The following SERPINB5 variants were observed in gnomAD, a reference collection of about 807,000 sequenced individuals.
SERPINB5 encodes serpin B5.
Under a neutral mutation model 32.2 loss-of-function variants are expected in SERPINB5, and 27 were observed. The observed-to-expected ratio is 0.84, with a 90% CI of 0.62 to 1.16. The LOEUF is 1.16. Among genes scored for constraint, SERPINB5 ranks in the 50% most tolerant of loss-of-function variants. SERPINB5 has a pLI of 0.00. For missense variants in SERPINB5, 388 were observed against 436.3 expected, an observed-to-expected ratio of 0.89 and a Z score of 0.99; for synonymous variants, 154 against 157.4, an observed-to-expected ratio of 0.98 and a Z score of 0.16.
At chr18:63,477,824 C>G (rs915224011) in intron 1 of SERPINB5, among the ~76,000 whole-genome samples, 1 of 152,170 alleles carries the variant, frequency 6.6e-6, no homozygotes, top group Non-Finnish European at 1.5e-5. Flanking sequence ...ATCCTCAGAG[C>G]TGGGGGCTCT....
At chr18:63,489,570 G>A (rs1015108440) in intron 4 of SERPINB5, 106 bp downstream of exon 4, 8 of 696,880 alleles carry the variant, frequency 1.1e-5, no homozygotes, top group Non-Finnish European at 2.0e-5. Flanking sequence ...GGATTCTCTG[G>A]ATATTTTTAC....
chr18:63,486,978 C>A lies in SERPINB5; in HGVS notation c.201C>A (p.Pro67=). ...ATTTTGAAAATGTCAAAGATGTACC[C>A]TTTGGATTTCAAACAGTAACATCGG... is the stretch of plus-strand genomic sequence containing the variant. ...VLHFENVKDV[P]FGFQTVTSDV... Residue 67 remains proline (P), a synonymous_variant, in exon 3 of 7, where the codon CCC becomes CCA. Transcript: ENST00000382771. The A allele has an allele frequency of 6.2e-7, 1 of 1,614,096 alleles. No homozygotes were observed. The highest frequency in any genetic ancestry group is 8.5e-7 in the Non-Finnish European group (1 of 1,179,984).
At chr18:63,481,223 A>C (rs1917122049) in intron 1 of SERPINB5, among the ~76,000 whole-genome samples, 1 of 152,204 alleles carries the variant, frequency 6.6e-6, no homozygotes, top group South Asian at 2.1e-4. Flanking sequence ...ATGTATCTCA[A>C]AATGTTGTGA....
intron 3 of SERPINB5, among the ~76,000 whole-genome samples, chr18:63,487,674 A>G (rs986495746): frequency 2.0e-5 from 3 of 152,240 alleles, no homozygotes; most frequent in Admixed American, 1.3e-4. Flanking sequence ...GCTCTAAGGA[A>G]TCATACAAAC....
chr18:63,503,282 A>C, intron 6 of SERPINB5, 48 bp from the exon 7 acceptor site: 1 of 1,541,028 alleles, frequency 6.5e-7, no homozygotes, highest in African/African-American at 1.4e-5. Context: ...CAGGTCTTTT[A>C]CAGTTGGAAA....
intron 6 of SERPINB5, among the ~76,000 whole-genome samples, chr18:63,502,998 C>T (rs930715980): frequency 1.3e-4 from 19 of 151,646 alleles, no homozygotes; most frequent in Admixed American, 2.6e-4. Context: ...CACTCCAGCC[C>T]GGGTGACAGA....
In SERPINB5 at chr18:63,498,823, G is replaced by A. The variant is rs1328549650; in HGVS notation, c.568-297G>A. Among the ~76,000 whole-genome samples, 1 of 148,036 alleles carries A rather than the reference G, an allele frequency of 6.8e-6. No individual in the cohort carries two copies. The highest frequency in any genetic ancestry group is 2.5e-5 in the African/African-American group (1 of 40,458). ...TATATATGTGCATGTGTGTATATAT[G>A]TATGGGGTATATATATATAGTATGT... On this transcript the variant is annotated intron_variant, in intron 5 of 6. Transcript: ENST00000382771. This position sits in a 1 kb window ranked among gnomAD's most constrained non-coding sequence, Gnocchi z 4.2.
chr18:63,488,720 G>T (rs1282316057), intron 3 of SERPINB5, among the ~76,000 whole-genome samples: 1 of 152,158 alleles, frequency 6.6e-6, no homozygotes, highest in East Asian at 1.9e-4. Context: ...ATGGGGTTTA[G>T]GGTTGCACAT....
intron 5 of SERPINB5, among the ~76,000 whole-genome samples, chr18:63,496,252 C>T (rs1356258938): frequency 1.3e-5 from 2 of 152,212 alleles, no homozygotes; most frequent in East Asian, 1.9e-4. Flanking sequence ...AGCAGTCTAA[C>T]CTGTTGGAGA....
chr18:63,492,688 C>G (rs1169980392), intron 4 of SERPINB5, among the ~76,000 whole-genome samples: 4 of 152,226 alleles, frequency 2.6e-5, no homozygotes, highest in Non-Finnish European at 5.9e-5. Context: ...AATAGGCATT[C>G]AGAATGGTAG....
chr18:63,502,738 G>A (rs1909594968), intron 6 of SERPINB5, among the ~76,000 whole-genome samples: 1 of 152,048 alleles, frequency 6.6e-6, no homozygotes, highest in Admixed American at 6.6e-5. Context: ...CTAACTTAAG[G>A]TTGGGTGCGG....
chr18:63,487,234 G>T (rs771776911), intron 3 of SERPINB5, 151 bp downstream of exon 3: 4 of 748,076 alleles, frequency 5.3e-6, no homozygotes, highest in Admixed American at 5.9e-5. Flanking sequence ...CTAGTGGAGA[G>T]GTTGAGTATA....
rs151033968 is a variant in SERPINB5, at chr18:63,496,795, C to T, written c.568-2325C>T. 3.9e-4 allele frequency among the ~76,000 whole-genome samples: 60 copies of T among 152,246 alleles called. No homozygotes were observed. The East Asian group carries it at 8.5e-3, about 22-fold the overall frequency. On this transcript the variant is annotated intron_variant, in intron 5 of 6. Coordinates refer to ENST00000382771, the MANE Select transcript of SERPINB5 (RefSeq NM_002639.5). ...TTACTGTCAGTCTTTTACAACTTAGCGTGAATTAATTTTCCTTCAGGAAAT... is the reference window on the plus strand; with the variant it reads ...TTACTGTCAGTCTTTTACAACTTAGTGTGAATTAATTTTCCTTCAGGAAAT...
chr18:63,504,364 A>C lies in SERPINB5; in HGVS notation c.*642A>C, dbSNP rs894. ...ATCTGGGGCAGCACCCTATAAATCAACACCTTAATATGCTGCAACAAAATG... is the reference window on the plus strand; with the variant it reads ...ATCTGGGGCAGCACCCTATAAATCACCACCTTAATATGCTGCAACAAAATG... On this transcript the variant is annotated 3_prime_UTR_variant, in exon 7 of 7. Transcript: ENST00000382771. The C allele has an allele frequency of 0.48, 73,395 of 152,120 alleles. 19,286 individuals carry two copies. Among genetic ancestry groups the C allele is most frequent in the Non-Finnish European group, 0.59 (40,452 of 68,006 alleles). 9.4% of individuals were successfully genotyped at this position (152,120 alleles called of 1,614,324 possible). A position where few individuals can be genotyped will look rare whatever the true frequency, so the allele number is the denominator to read the frequency against.
At position 63,500,075 on chromosome 18, in the gene SERPINB5, A is replaced by G. The variant is rs534403950; in HGVS notation, c.735+788A>G. ...ATTGCCCAGGCTGGAGTGCAGTGGC[A>G]TGATGGTAGCTCACTCTAACCTCAA... On this transcript the variant is annotated intron_variant, in intron 6 of 6. Transcript: ENST00000382771. Among the ~76,000 whole-genome samples, 31 of 151,958 alleles carry G rather than the reference A, an allele frequency of 2.0e-4. No individual in the cohort carries two copies. In the Middle Eastern group the frequency reaches 0.01, roughly 50 times the overall value.
chr18:63,493,106 C>A lies in SERPINB5; in HGVS notation c.567+11C>A. 6.2e-7 allele frequency: 1 copy of A among 1,614,060 alleles called. No homozygotes were observed. Among genetic ancestry groups the A allele is most frequent in the Non-Finnish European group, 8.5e-7 (1 of 1,180,010 alleles). On this transcript the variant is annotated intron_variant, in intron 5 of 6. Coordinates refer to ENST00000382771, the MANE Select transcript of SERPINB5 (RefSeq NM_002639.5). ...TTCAGAGTCAACAAGGTATGTGGGG[C>A]AGCATGTAGCAGTAAAAGGAGCCCA...
At chr18:63,479,999 G>T (rs1464795722) in intron 1 of SERPINB5, among the ~76,000 whole-genome samples, 2 of 152,236 alleles carry the variant, frequency 1.3e-5, no homozygotes, top group Non-Finnish European at 2.9e-5. Context: ...GAAAGCAGGT[G>T]ATCAGGTGTG....
At chr18:63,497,246 T>A in intron 5 of SERPINB5, 1 of 887,208 alleles carries the variant, frequency 1.1e-6, no homozygotes, top group Admixed American at 1.7e-5. Context: ...GGGGCTAGCA[T>A]TGGAATAGCG....
chr18:63,499,242 C>T lies in SERPINB5; in HGVS notation c.690C>T (p.Ile230=). The T allele has an allele frequency of 2.5e-6, 4 of 1,599,028 alleles. No individual in the cohort carries two copies. Among genetic ancestry groups the T allele is most frequent in the Non-Finnish European group, 3.4e-6 (4 of 1,172,074 alleles). ...AAAATAAGCATCTCAGCATGTTCAT[C>T]CTACTACCCAAGGATGTGGAGGATG... The part of the protein sequence containing the change: ...PFQNKHLSMF[I]LLPKDVEDES... The change falls in exon 6 of 7, where the codon ATC becomes ATT. Residue 230 remains isoleucine, a synonymous_variant. Coordinates refer to ENST00000382771, the MANE Select transcript of SERPINB5 (RefSeq NM_002639.5).
Sources: allele counts gnomAD v4.1 joint callset (sites outside exome capture counted in the v4.1 genomes callset), GRCh38; gene constraint gnomAD v4.1.1; non-coding constraint Gnocchi (gnomAD v3.1); transcripts MANE v1.5; gene names NCBI Gene and HGNC (gene_info 2026-07-23, HGNC 2026-07-21).